The following TBC1D30 variants were observed in gnomAD, a reference collection of about 807,000 sequenced individuals.
TBC1D30 encodes TBC1 domain family member 30.
TBC1D30 carries 31 observed loss-of-function variants against 63.2 expected under a neutral mutation model. The ratio of observed to expected loss-of-function variants is 0.49; its 90% CI spans 0.37 to 0.66. The LOEUF is 0.66. TBC1D30 is among the 30% of genes least tolerant of loss of function. The pLI is 0.00. For missense variants in TBC1D30, 810 were observed against 953.6 expected (o/e 0.85, Z 1.98); for synonymous variants, 307 against 361.5 (o/e 0.85, Z 1.71).
At chr12:64,873,324 A>C (rs1592667054) in intron 11 of TBC1D30, among the ~76,000 whole-genome samples, 1 of 152,174 alleles carries the variant, frequency 6.6e-6, no homozygotes, top group African/African-American at 2.4e-5. Context: ...AGGTCACTGA[A>C]GGGAGCGAGA....
chr12:64,796,815 A>T (rs946477179), intron 2 of TBC1D30, among the ~76,000 whole-genome samples: 1 of 152,162 alleles, frequency 6.6e-6, no homozygotes, highest in African/African-American at 2.4e-5. Context: ...TATCAAGATT[A>T]AGACCTCACG....
At chr12:64,851,892 G>A (rs1170885959) in intron 8 of TBC1D30, among the ~76,000 whole-genome samples, 2 of 152,208 alleles carry the variant, frequency 1.3e-5, no homozygotes, top group East Asian at 1.9e-4. Flanking sequence ...GAGATCCACT[G>A]TTAGTCTGAT....
intron 1 of TBC1D30, among the ~76,000 whole-genome samples, chr12:64,767,883 C>G (rs921518524): frequency 9.3e-5 from 14 of 150,622 alleles, no homozygotes; most frequent in Non-Finnish European, 2.1e-4. Flanking sequence ...TGTGTCATGA[C>G]ATTGCCTCCA....
Position 64,878,506 on chromosome 12 carries a change from T to G in TBC1D30, c.*2718T>G, listed in dbSNP as rs545859099. On this transcript the variant is annotated 3_prime_UTR_variant, in exon 12 of 12. Transcript: ENST00000539867. ...TACAAAAGCCTCCAGATGATCTAAA[T>G]CTAGTTAGCAATGTCAGCCTGTGGA... 1.1e-5 allele frequency: 5 copies of G among 456,740 alleles called. No individual in the cohort carries two copies. The highest frequency in any genetic ancestry group is 2.2e-5 in the Non-Finnish European group (5 of 226,972). 28.3% of individuals were successfully genotyped at this position (456,740 alleles called of 1,614,324 possible). A position where few individuals can be genotyped will look rare whatever the true frequency, so the allele number is the denominator to read the frequency against.
chr12:64,849,263 G>A (rs1876660706), intron 8 of TBC1D30, among the ~76,000 whole-genome samples: 1 of 152,174 alleles, frequency 6.6e-6, no homozygotes. Context: ...TTGCTGTGCA[G>A]AAGCTCTTTA....
At chr12:64,765,835 A>C (rs1460449275) in intron 1 of TBC1D30, among the ~76,000 whole-genome samples, 3 of 150,162 alleles carry the variant, frequency 2.0e-5, no homozygotes, top group Non-Finnish European at 4.4e-5. Flanking sequence ...ACCTCTACAA[A>C]AAAAAAAAAA....
At chr12:64,759,810 A>G (rs542925658) in intron 1 of TBC1D30, among the ~76,000 whole-genome samples, 2 of 152,366 alleles carry the variant, frequency 1.3e-5, no homozygotes, top group East Asian at 1.9e-4. Flanking sequence ...AGGACTGTAC[A>G]TAACAGAAAT....
intron 8 of TBC1D30, among the ~76,000 whole-genome samples, chr12:64,844,927 T>G (rs1450382885): frequency 1.3e-5 from 2 of 152,238 alleles, no homozygotes; most frequent in Non-Finnish European, 2.9e-5. Context: ...CCATCCATGT[T>G]GTTGCAAATG....
Position 64,824,825 on chromosome 12 carries a change from G to C in TBC1D30, c.-55G>C, listed in dbSNP as rs1874154275. The C allele has an allele frequency of 2.0e-6, 3 of 1,517,892 alleles. No individual in the cohort carries two copies. Among genetic ancestry groups the C allele is most frequent in the Non-Finnish European group, 2.6e-6 (3 of 1,137,864 alleles). The allele number at this position is 1,517,892 out of a possible 1,614,324, so 94.0% of individuals were successfully genotyped here. ...CGCGAGCTCAGCCGCTCAGCGAGTG[G>C]GGTAGCGGGGACCGAGACGGACGGT... On this transcript the variant is annotated 5_prime_UTR_variant, in exon 1 of 12. Transcript: ENST00000539867.
intron 2 of TBC1D30, among the ~76,000 whole-genome samples, chr12:64,791,873 A>G (rs1433641243): frequency 1.3e-5 from 2 of 152,114 alleles, no homozygotes; most frequent in Non-Finnish European, 1.5e-5. Context: ...GCGTAAGCTA[A>G]CGTACTTGGC....
chr12:64,816,838 C>T (rs1366052803), intron 2 of TBC1D30, among the ~76,000 whole-genome samples: 1 of 134,870 alleles, frequency 7.4e-6, no homozygotes, highest in Non-Finnish European at 1.6e-5. Context: ...TCTTGCTTTT[C>T]TTCCTTCTAT....
At chr12:64,859,974 A>T (rs1445492893) in intron 8 of TBC1D30, among the ~76,000 whole-genome samples, 1 of 149,530 alleles carries the variant, frequency 6.7e-6, no homozygotes, top group Non-Finnish European at 1.5e-5. Context: ...GGACTCATGG[A>T]TGATGGTTCC....
At chr12:64,855,006 C>T (rs1877180735) in intron 8 of TBC1D30, among the ~76,000 whole-genome samples, 1 of 152,180 alleles carries the variant, frequency 6.6e-6, no homozygotes, top group South Asian at 2.1e-4. Flanking sequence ...TGAAATCCCT[C>T]AGCTTTTGTT....
chr12:64,781,691 CTTT>C (rs34191075), intron 1 of TBC1D30, among the ~76,000 whole-genome samples: 1 of 145,136 alleles, frequency 6.9e-6, no homozygotes, highest in African/African-American at 2.5e-5. Flanking sequence ...CTGTTCTTTC[CTTT>C]TTTTTTTTTT....
At chr12:64,762,773 A>G (rs1407012677) in intron 1 of TBC1D30, among the ~76,000 whole-genome samples, 1 of 152,172 alleles carries the variant, frequency 6.6e-6, no homozygotes, top group Non-Finnish European at 1.5e-5. Flanking sequence ...AATATTTTCT[A>G]AAGAAAATAG....
intron 2 of TBC1D30, among the ~76,000 whole-genome samples, chr12:64,817,096 A>G (rs182876846): frequency 2.6e-5 from 4 of 152,318 alleles, no homozygotes; most frequent in African/African-American, 9.6e-5. Flanking sequence ...CACAGTTTCT[A>G]CCAAGTGAGT....
rs562185066 is a variant in TBC1D30 at position 64,844,252 on chromosome 12, G to A, written c.1038+767G>A. ...AATTTTAAAGTGAAAGACTTGAAGG[G>A]TTTAGTTATTTTTTATGGCATGTTA... On this transcript the variant is annotated intron_variant, in intron 8 of 11. Coordinates refer to ENST00000539867, the MANE Select transcript of TBC1D30 (RefSeq NM_015279.2). 3.3e-5 allele frequency among the ~76,000 whole-genome samples: 5 copies of A among 152,216 alleles called. No individual in the cohort carries two copies. In the East Asian group the frequency reaches 7.7e-4, roughly 23 times the overall value.
chr12:64,787,836 G>A (rs1871684914), intron 2 of TBC1D30, among the ~76,000 whole-genome samples: 1 of 152,212 alleles, frequency 6.6e-6, no homozygotes, highest in African/African-American at 2.4e-5. Flanking sequence ...AGGAGTTCGA[G>A]ATCAGCCTCG....
Position 64,878,527 on chromosome 12 carries a change from G to A in TBC1D30, c.*2739G>A. On this transcript the variant is annotated 3_prime_UTR_variant, in exon 12 of 12. Transcript: ENST00000539867. ...TAAATCTAGTTAGCAATGTCAGCCT[G>A]TGGACTGCAGCTGTTTGGGACATTG... The A allele has an allele frequency of 2.2e-6, 1 of 456,722 alleles. No individual in the cohort carries two copies. 28.3% of individuals were successfully genotyped at this position (456,722 alleles called of 1,614,324 possible). A position where few individuals can be genotyped will look rare whatever the true frequency, so the allele number is the denominator to read the frequency against.
Sources: allele counts gnomAD v4.1 joint callset (sites outside exome capture counted in the v4.1 genomes callset), GRCh38; gene constraint gnomAD v4.1.1; transcripts MANE v1.5; gene names NCBI Gene and HGNC (gene_info 2026-07-23, HGNC 2026-07-21).